The following MED12L variants were observed in gnomAD, a reference collection of about 807,000 sequenced individuals.
The protein encoded by MED12L is mediator complex subunit 12L.
A neutral mutation model predicts 281.3 loss-of-function variants in MED12L; 60 were observed. The ratio of observed to expected loss-of-function variants is 0.21; its 90% CI spans 0.17 to 0.26. The LOEUF (loss-of-function observed/expected upper bound fraction) is 0.26. MED12L is among the 10% of genes least tolerant of loss of function. The probability of loss-of-function intolerance (pLI) is 1.00; values close to 1 mark genes in which losing one functional copy is unlikely to be tolerated. For synonymous variants in MED12L, 974 were observed against 987.2 expected, an observed-to-expected ratio of 0.99 and a Z score of 0.25; for missense variants, 2,146 against 2,680.9, an observed-to-expected ratio of 0.80 and a Z score of 4.41.
At chr3:151,380,519 C>A (rs1210126645) in intron 32 of MED12L, among the ~76,000 whole-genome samples, 4 of 150,662 alleles carry the variant, frequency 2.7e-5, no homozygotes, top group Non-Finnish European at 5.9e-5. Flanking sequence ...ATTGCTTGAA[C>A]CTGGGAGGCA....
At chr3:151,313,067 A>G (rs1207835632) in intron 16 of MED12L, among the ~76,000 whole-genome samples, 1 of 152,184 alleles carries the variant, frequency 6.6e-6, no homozygotes, top group Non-Finnish European at 1.5e-5. Context: ...TTGAGCAGAT[A>G]TGTGCTGTCG....
At chr3:151,242,197 A>C (rs1226273462) in intron 16 of MED12L, among the ~76,000 whole-genome samples, 1 of 151,870 alleles carries the variant, frequency 6.6e-6, no homozygotes, top group East Asian at 1.9e-4. Context: ...CGGCTGGGGG[A>C]GGGGCGCCCG....
chr3:151,222,989 T>C (rs1729686783), intron 16 of MED12L, among the ~76,000 whole-genome samples: 2 of 152,116 alleles, frequency 1.3e-5, no homozygotes, highest in Admixed American at 1.3e-4. Flanking sequence ...ATTTGAGAGG[T>C]GGCGATTGTG....
At chr3:151,295,160 C>CCGTCGCTCCTGTTGCCTGAATTGTGACT in intron 16 of MED12L, 6 of 1,612,956 alleles carry the variant, frequency 3.7e-6, no homozygotes, top group African/African-American at 1.3e-5. Flanking sequence ...CTTTCCTGGC[C>CCGTCGCTCCTGTTGCCTGAATTGTGACT]CGTCGCTCCT....
chr3:151,383,908 C>T lies in MED12L; in HGVS notation c.4790+20C>T, dbSNP rs1450351033. On this transcript the variant is annotated intron_variant, in intron 34 of 44. Transcript: ENST00000687756. ...TAACAAGTATGTTTTTATCACTTCA[C>T]ATTGATTTTGCTACATGTATGCATG... is the stretch of plus-strand genomic sequence containing the variant. 8 of 1,594,272 alleles carry T rather than the reference C, an allele frequency of 5.0e-6. No homozygotes were observed. Among genetic ancestry groups the T allele is most frequent in the Non-Finnish European group, 6.9e-6 (8 of 1,163,442 alleles).
At chr3:151,415,065 A>T (rs1033085596) in intron 42 of MED12L, among the ~76,000 whole-genome samples, 1 of 152,200 alleles carries the variant, frequency 6.6e-6, no homozygotes, top group Non-Finnish European at 1.5e-5. Flanking sequence ...AGAATTTCTC[A>T]TTTCCAAATC....
chr3:151,095,599 T>C (rs1364117039), intron 2 of MED12L, among the ~76,000 whole-genome samples: 1 of 152,222 alleles, frequency 6.6e-6, no homozygotes, highest in East Asian at 1.9e-4. Flanking sequence ...TGGCTGACTT[T>C]CTTTCAGTCT....
chr3:151,165,301 A>G (rs1462816882), intron 9 of MED12L, 119 bp from the exon 10 acceptor site: 11 of 539,878 alleles, frequency 2.0e-5, no homozygotes, highest in Admixed American at 3.7e-5. Flanking sequence ...ATTTCTTACA[A>G]TGCAGTCAAG....
Position 151,435,152 on chromosome 3 carries a change from C to T in MED12L, c.*2348C>T, listed in dbSNP as rs544487978. The T allele has an allele frequency of 6.8e-6, 1 of 146,010 alleles. No homozygotes were observed. Among genetic ancestry groups the T allele is most frequent in the South Asian group, 2.2e-4 (1 of 4,480 alleles). 9.0% of individuals were successfully genotyped at this position (146,010 alleles called of 1,614,324 possible). A position where few individuals can be genotyped will look rare whatever the true frequency, so the allele number is the denominator to read the frequency against. On this transcript the variant is annotated 3_prime_UTR_variant, in exon 45 of 45. Coordinates refer to ENST00000687756, the MANE Select transcript of MED12L (RefSeq NM_001393769.1). ...TAAAGCCCTGTGGCAGAACCTGGTA[C>T]TTTACCTTACCAGAGGAAATTACCT... is the stretch of plus-strand genomic sequence containing the variant.
At position 151,384,243 on chromosome 3, in the gene MED12L, A is replaced by G. The variant is rs753903811; in HGVS notation, c.4926+25A>G. The G allele has an allele frequency of 3.2e-6, 5 of 1,580,250 alleles. No individual in the cohort carries two copies. The South Asian group carries it at 5.9e-5, about 19-fold the overall frequency. Reference sequence around the variant, plus strand: ...AGTAAGTTTGAGATCAGCCTGTATTATGAGCTCAAGTTGTTTATGGATTTA... The same window carrying G: ...AGTAAGTTTGAGATCAGCCTGTATTGTGAGCTCAAGTTGTTTATGGATTTA... On this transcript the variant is annotated intron_variant, in intron 35 of 44. Coordinates refer to ENST00000687756, the MANE Select transcript of MED12L (RefSeq NM_001393769.1).
chr3:151,107,431 A>G (rs1410100894), intron 2 of MED12L, among the ~76,000 whole-genome samples: 2 of 152,318 alleles, frequency 1.3e-5, no homozygotes, highest in Non-Finnish European at 2.9e-5. Context: ...TGGGGTATTT[A>G]TAACACTTGG....
rs1173294327 is a variant in MED12L, at chr3:151,416,418, C to T, written c.6404C>T (p.Pro2135Leu). ...LGLQAMQPQQ[P>L]LFPRQGLQQT... ...CTCCAAGCAATGCAGCCCCAGCAGC[C>T]CTTGGTAAGGCCTGTTGTTTTGGAA... is the stretch of plus-strand genomic sequence containing the variant. Residue 2135 changes from proline to leucine, a missense_variant, in exon 43 of 45, where the codon CCC (proline) becomes CTC (leucine). Physicochemically the swap from Pro to Leu is moderately conservative, Grantham distance 98. Around this residue, in one of 9 missense-constraint regions of MED12L, gnomAD observed 496 missense variants for 512.0 expected, o/e 0.97. Transcript: ENST00000687756. 1 of 1,613,936 alleles carries T rather than the reference C, an allele frequency of 6.2e-7. No individual in the cohort carries two copies. The highest frequency in any genetic ancestry group is 1.3e-5 in the African/African-American group (1 of 74,986).
rs186892087 is a variant in MED12L at position 151,261,860 on chromosome 3, G to T, written c.2250+68194G>T. Among the ~76,000 whole-genome samples, 8 of 152,192 alleles carry T rather than the reference G, an allele frequency of 5.3e-5. No individual in the cohort carries two copies. The East Asian group carries it at 1.2e-3, about 22-fold the overall frequency. ...GTGCCTCAGCCTCCCGAGTAGCTGG[G>T]ACTACAGGCGTTCGTCACCATGCCT... On this transcript the variant is annotated intron_variant, in intron 16 of 44. Coordinates refer to ENST00000687756, the MANE Select transcript of MED12L (RefSeq NM_001393769.1).
chr3:151,116,602 G>T (rs936924122), intron 3 of MED12L, among the ~76,000 whole-genome samples, 160 bp downstream of exon 3: 7 of 152,102 alleles, frequency 4.6e-5, no homozygotes, highest in African/African-American at 1.7e-4. Flanking sequence ...TCCAATCAGG[G>T]ATCATACATT....
chr3:151,273,130 T>A (rs1391708655), intron 16 of MED12L, among the ~76,000 whole-genome samples: 1 of 152,158 alleles, frequency 6.6e-6, no homozygotes, highest in Non-Finnish European at 1.5e-5. Flanking sequence ...TCTGTATCTC[T>A]TTGGCTTCCA....
chr3:151,341,225 A>G (rs1042509417), intron 16 of MED12L, among the ~76,000 whole-genome samples: 1 of 152,066 alleles, frequency 6.6e-6, no homozygotes, highest in Non-Finnish European at 1.5e-5. Flanking sequence ...TCCCTTGGTT[A>G]ATAATGTCAT....
At chr3:151,318,957 A>G (rs768580320) in intron 16 of MED12L, among the ~76,000 whole-genome samples, 10 of 152,122 alleles carry the variant, frequency 6.6e-5, no homozygotes, top group African/African-American at 1.9e-4. Flanking sequence ...TCCTTTCCCA[A>G]TACCTCTGTA....
intron 42 of MED12L, among the ~76,000 whole-genome samples, chr3:151,415,895 T>C (rs1485092710): frequency 6.6e-6 from 1 of 152,154 alleles, no homozygotes; most frequent in East Asian, 1.9e-4. Flanking sequence ...AAAAAACCTT[T>C]AAGAATTCTG....
At chr3:151,317,905 A>G (rs777598086) in intron 16 of MED12L, among the ~76,000 whole-genome samples, 3 of 139,002 alleles carry the variant, frequency 2.2e-5, no homozygotes, top group Non-Finnish European at 4.4e-5. Context: ...AAATGAAAAT[A>G]ATCAAAGGTG....
Sources: gnomAD v4.1 joint callset for allele counts (sites outside exome capture counted in the v4.1 genomes callset) on GRCh38, gnomAD v4.1.1 for gene constraint, gnomAD v4.1.1 regional missense constraint, MANE v1.5 for transcripts, NCBI Gene and HGNC (gene_info 2026-07-23, HGNC 2026-07-21) for gene names.